The following CPNE8 variants were observed in gnomAD, a reference collection of about 807,000 sequenced individuals.
The protein encoded by CPNE8 is copine 8.
In CPNE8, 45 loss-of-function variants were observed where a neutral mutation model predicts 81.5. The ratio of observed to expected loss-of-function variants is 0.55; its 90% confidence interval spans 0.44 to 0.71. CPNE8 has a LOEUF of 0.71. Ranked by LOEUF, CPNE8 falls within the 30% of genes least tolerant of loss-of-function variation. The pLI is 0.00. For synonymous variants in CPNE8, 252 were observed against 226.3 expected (o/e 1.11, Z -1.02); for missense variants, 594 against 672.1 (o/e 0.88, Z 1.28).
At chr12:38,865,751 T>C (rs1943904169) in intron 3 of CPNE8, among the ~76,000 whole-genome samples, 1 of 152,156 alleles carries the variant, frequency 6.6e-6, no homozygotes, top group Non-Finnish European at 1.5e-5. Flanking sequence ...TTTATTTTGA[T>C]AAAAAGGTAT....
intron 16 of CPNE8, among the ~76,000 whole-genome samples, chr12:38,681,260 C>G (rs1283528268): frequency 6.6e-6 from 1 of 151,682 alleles, no homozygotes; most frequent in East Asian, 1.9e-4. Context: ...TGGTTTACAC[C>G]ATATACAAGA....
chr12:38,690,095 A>T (rs1939640023), intron 15 of CPNE8, among the ~76,000 whole-genome samples: 2 of 152,108 alleles, frequency 1.3e-5, no homozygotes, highest in Admixed American at 1.3e-4. Flanking sequence ...TGTTAAGAAG[A>T]CTCCCTTGCT....
chr12:38,685,330 G>A lies in CPNE8; in HGVS notation c.1271+160C>T, dbSNP rs1291807173. ...CAGTTCTCAGCAAAGTATCATGATC[G>A]TTTGATAGAGACTCTTTCTAACATA... On this transcript the variant is annotated intron_variant, in intron 16 of 19. Transcript: ENST00000331366. Among the ~76,000 whole-genome samples, 11 of 152,106 alleles carry A rather than the reference G, an allele frequency of 7.2e-5. No individual in the cohort carries two copies. In the East Asian group the frequency reaches 7.7e-4, roughly 11 times the overall value.
chr12:38,702,698 C>A (rs1224895034), intron 14 of CPNE8, among the ~76,000 whole-genome samples, 177 bp downstream of exon 14: 1 of 151,694 alleles, frequency 6.6e-6, no homozygotes, highest in African/African-American at 2.4e-5. Flanking sequence ...TATTTCTAGT[C>A]TTTTGTATAT....
At chr12:38,665,403 T>G (rs1358600351) in intron 19 of CPNE8, among the ~76,000 whole-genome samples, 1 of 152,220 alleles carries the variant, frequency 6.6e-6, no homozygotes, top group Non-Finnish European at 1.5e-5. Flanking sequence ...CTATAGGAAG[T>G]ATGGTATACT....
chr12:38,708,007 C>T (rs1940156696), intron 13 of CPNE8, among the ~76,000 whole-genome samples: 1 of 152,172 alleles, frequency 6.6e-6, no homozygotes, highest in Admixed American at 6.5e-5. Context: ...AAAGATAGCA[C>T]AGCATTTTAT....
chr12:38,723,142 GC>G (rs1272339268), intron 13 of CPNE8, among the ~76,000 whole-genome samples: 5 of 152,266 alleles, frequency 3.3e-5, no homozygotes, highest in Non-Finnish European at 7.4e-5. Context: ...TACAGGGGAT[GC>G]TTGGTAAGGT....
chr12:38,845,846 C>T (rs1048574162), intron 4 of CPNE8, among the ~76,000 whole-genome samples: 1 of 152,096 alleles, frequency 6.6e-6, no homozygotes, highest in African/African-American at 2.4e-5. Flanking sequence ...CTGCAGGTAA[C>T]CCTTTCTAGC....
chr12:38,792,666 G>A (rs925430228), intron 6 of CPNE8, among the ~76,000 whole-genome samples: 1 of 151,660 alleles, frequency 6.6e-6, no homozygotes, highest in South Asian at 2.1e-4. Flanking sequence ...AACAGAATTA[G>A]CACCAGTCTT....
intron 13 of CPNE8, among the ~76,000 whole-genome samples, chr12:38,720,161 T>C (rs561963490): frequency 6.6e-6 from 1 of 152,312 alleles, no homozygotes; most frequent in South Asian, 2.1e-4. Context: ...ACTTATAGAA[T>C]AACTAGCATT....
intron 16 of CPNE8, among the ~76,000 whole-genome samples, chr12:38,682,536 C>A (rs192514402): frequency 6.6e-6 from 1 of 152,098 alleles, no homozygotes; most frequent in African/African-American, 2.4e-5. Flanking sequence ...CCAGCCTGGG[C>A]GACAGAGCAA....
At chr12:38,846,848 T>C (rs1943566928) in intron 4 of CPNE8, among the ~76,000 whole-genome samples, 1 of 152,064 alleles carries the variant, frequency 6.6e-6, no homozygotes, top group African/African-American at 2.4e-5. Flanking sequence ...TTATATGTAG[T>C]AGGAAAAATG....
At chr12:38,882,677 G>A (rs574887801) in intron 1 of CPNE8, among the ~76,000 whole-genome samples, 5 of 152,036 alleles carry the variant, frequency 3.3e-5, no homozygotes, top group Admixed American at 6.5e-5. Flanking sequence ...CAAATGCCTC[G>A]CTTGCAAAAA....
intron 6 of CPNE8, among the ~76,000 whole-genome samples, chr12:38,807,429 G>T (rs1028405638): frequency 6.6e-6 from 1 of 151,738 alleles, no homozygotes; most frequent in African/African-American, 2.4e-5. Context: ...ACAGAACAGA[G>T]CCCTCAGAAA....
chr12:38,814,483 A>T (rs113202122), intron 6 of CPNE8, among the ~76,000 whole-genome samples: 52 of 151,732 alleles, frequency 3.4e-4, no homozygotes, highest in African/African-American at 1.3e-3. Flanking sequence ...TGCCCAGCTA[A>T]TCTTTTTTTT....
At chr12:38,752,755 G>C (rs1941378435) in intron 10 of CPNE8, among the ~76,000 whole-genome samples, 1 of 152,122 alleles carries the variant, frequency 6.6e-6, no homozygotes, top group Non-Finnish European at 1.5e-5. Flanking sequence ...CCTTATACCA[G>C]AATTAGAATT....
chr12:38,905,313 A>G (rs1296587165), intron 1 of CPNE8, 124 bp downstream of exon 1: 27 of 1,117,462 alleles, frequency 2.4e-5, no homozygotes, highest in Non-Finnish European at 3.1e-5. Flanking sequence ...CACTACTGAG[A>G]TATTTCCCAC....
Position 38,690,938 on chromosome 12 carries a change from G to A in CPNE8, c.1143+2719C>T, listed in dbSNP as rs1438967568. 3.9e-5 allele frequency among the ~76,000 whole-genome samples: 6 copies of A among 152,118 alleles called. No homozygotes were observed. The East Asian group carries it at 1.2e-3, about 29-fold the overall frequency. On this transcript the variant is annotated intron_variant, in intron 15 of 19. Coordinates refer to ENST00000331366, the MANE Select transcript of CPNE8 (RefSeq NM_153634.3). Reference sequence around the variant, plus strand: ...GATACTCATTTTTATGACACTGGGAGTGTGGCATGTGGGCTATTTCATGGA... The same window carrying A: ...GATACTCATTTTTATGACACTGGGAATGTGGCATGTGGGCTATTTCATGGA...
chr12:38,747,015 C>G (rs1941240584), intron 10 of CPNE8, among the ~76,000 whole-genome samples: 1 of 152,128 alleles, frequency 6.6e-6, no homozygotes, highest in African/African-American at 2.4e-5. Context: ...TCAGATCAGG[C>G]ACACTAAACT....
Sources: gnomAD v4.1 joint callset for allele counts (sites outside exome capture counted in the v4.1 genomes callset) on GRCh38, gnomAD v4.1.1 for gene constraint, MANE v1.5 for transcripts, NCBI Gene and HGNC (gene_info 2026-07-23, HGNC 2026-07-21) for gene names.